PLPP3: variants seen among roughly 807,000 people sequenced by gnomAD.
PLPP3 encodes phospholipid phosphatase 3.
PLPP3 carries 6 observed loss-of-function variants against 29.6 expected under a neutral mutation model. That is an observed-to-expected ratio of 0.20 (90% CI 0.11 to 0.40). The LOEUF is 0.40. Ranked by LOEUF, PLPP3 falls within the 10% of genes least tolerant of loss-of-function variation. PLPP3 has a pLI of 1.00. For missense variants in PLPP3, 308 were observed against 407.7 expected, an observed-to-expected ratio of 0.76 and a Z score of 2.11; for synonymous variants, 152 against 159.7, an observed-to-expected ratio of 0.95 and a Z score of 0.36.
Position 56,524,347 on chromosome 1 carries a change from T to C in PLPP3, c.505A>G (p.Ile169Val). The change falls in exon 3 of 6, where the codon ATC (isoleucine) becomes GTC (valine). Residue 169 changes from isoleucine to valine, a missense_variant. By Grantham distance (29) the Ile-to-Val change is conservative (BLOSUM62 3). This residue lies in a region of PLPP3 where 232 missense variants were observed against 317.2 expected (regional missense o/e 0.73). Coordinates refer to ENST00000371250, the MANE Select transcript of PLPP3 (RefSeq NM_003713.5). This position sits in a 1 kb window ranked among gnomAD's most constrained non-coding sequence, Gnocchi z 4.3. ...TGAATGTAGCCTTCAGAGCAGTTGA[T>C]CTGGCTGAAATCAGGGTTGCAGACA... is the stretch of plus-strand genomic sequence containing the variant. The part of the protein sequence containing the change: ...LSVCNPDFSQ[I>V]NCSEGYIQNY... The C allele has an allele frequency of 6.2e-7, 1 of 1,614,054 alleles. No individual in the cohort carries two copies. The highest frequency in any genetic ancestry group is 8.5e-7 in the Non-Finnish European group (1 of 1,179,954).
chr1:56,553,572 G>C (rs1453680933), intron 1 of PLPP3, among the ~76,000 whole-genome samples: 1 of 152,098 alleles, frequency 6.6e-6, no homozygotes, highest in African/African-American at 2.4e-5. Flanking sequence ...GAGCATCTGG[G>C]GCTGGTTGCT....
chr1:56,530,949 C>A (rs1645883737), intron 2 of PLPP3, among the ~76,000 whole-genome samples: 1 of 152,178 alleles, frequency 6.6e-6, no homozygotes, highest in Non-Finnish European at 1.5e-5. Context: ...CCTACTTATG[C>A]CTTAAAGTAG....
chr1:56,512,437 C>T, intron 4 of PLPP3: 1 of 275,908 alleles, frequency 3.6e-6, no homozygotes, highest in Non-Finnish European at 6.8e-6. Context: ...CATAGTGAAA[C>T]CTCATCTGTA....
Position 56,560,641 on chromosome 1 carries a change from C to T in PLPP3, c.139+18237G>A, listed in dbSNP as rs568706119. On this transcript the variant is annotated intron_variant, in intron 1 of 5. Transcript: ENST00000371250. Reference sequence around the variant, plus strand: ...TTCACGAGCACTCTGCCCTCATGACCTAATTACCTCTTAAAGCCCCCCCAC... The same window carrying T: ...TTCACGAGCACTCTGCCCTCATGACTTAATTACCTCTTAAAGCCCCCCCAC... Among the ~76,000 whole-genome samples, 14 of 152,212 alleles carry T rather than the reference C, an allele frequency of 9.2e-5. No homozygotes were observed. In the South Asian group the frequency reaches 2.9e-3, roughly 32 times the overall value.
intron 1 of PLPP3, among the ~76,000 whole-genome samples, chr1:56,556,952 GAGAAAGAAAGAAAGAAAGAAAGAAAGAA>G (rs1176222349): frequency 1.8e-5 from 1 of 55,422 alleles, no homozygotes; most frequent in East Asian, 4.4e-4. Flanking sequence ...GAGAGACAGA[GAGAAAGAAAGAAAGAAAGAAAGAAAGAA>G]AGAAAGAAAG....
intron 2 of PLPP3, among the ~76,000 whole-genome samples, chr1:56,530,110 CTTT>C (rs77142253): frequency 3.5e-5 from 5 of 142,440 alleles, no homozygotes; most frequent in African/African-American, 2.6e-5. Flanking sequence ...ACCTCTTACT[CTTT>C]TTTTTTTTTT....
chr1:56,534,897 G>A (rs548302803), intron 2 of PLPP3, among the ~76,000 whole-genome samples: 19 of 152,206 alleles, frequency 1.2e-4, no homozygotes, highest in African/African-American at 4.1e-4. Flanking sequence ...TTGCAAAGAG[G>A]AGTGAGAATC....
At position 56,524,050 on chromosome 1, in the gene PLPP3, T is replaced by C. The variant is rs74594184; in HGVS notation, c.576-170A>G. On this transcript the variant is annotated intron_variant, in intron 3 of 5. Transcript: ENST00000371250. This position sits in a 1 kb window ranked among gnomAD's most constrained non-coding sequence, Gnocchi z 4.3. ...CCATGCCTGGAACATAGCAGGCACC[T>C]ATGAATTCATGAATAAACAAAAGAA... 0.2 allele frequency among the ~76,000 whole-genome samples: 29,709 copies of C among 152,208 alleles called. 2,979 individuals carry two copies. Among genetic ancestry groups the C allele is most frequent in the Admixed American group, 0.26 (3,945 of 15,274 alleles).
chr1:56,578,947 T>C lies in PLPP3; in HGVS notation c.70A>G (p.Asn24Asp), dbSNP rs1282644784. The C allele has an allele frequency of 9.3e-6, 15 of 1,605,644 alleles. No individual in the cohort carries two copies. Among genetic ancestry groups the C allele is most frequent in the Non-Finnish European group, 1.2e-5 (14 of 1,176,926 alleles). The part of the protein sequence containing the change: ...SKNGGSPALN[N>D]NPRRSGSKRV... ...TTGCTGCCGCTCCTCCTCGGGTTGT[T>C]GTTGAGCGCCGGGCTGCCGCCGTTC... The change falls in exon 1 of 6, where the codon AAC (asparagine) becomes GAC (aspartate). Residue 24 changes from asparagine to aspartate, a missense_variant. Asn to Asp is a conservative substitution (Grantham distance 23). Transcript: ENST00000371250.
intron 1 of PLPP3, among the ~76,000 whole-genome samples, chr1:56,550,195 A>T (rs1646028848): frequency 6.6e-6 from 1 of 152,150 alleles, no homozygotes; most frequent in Non-Finnish European, 1.5e-5. Flanking sequence ...GACCATCCTC[A>T]GTTGCTCCTG....
At chr1:56,506,950 C>T (rs1302061897) in intron 5 of PLPP3, among the ~76,000 whole-genome samples, 2 of 152,178 alleles carry the variant, frequency 1.3e-5, no homozygotes, top group Admixed American at 6.5e-5. Context: ...TGCAGGCAGG[C>T]CTATCCGACC....
intron 1 of PLPP3, among the ~76,000 whole-genome samples, chr1:56,548,065 C>T (rs1024005175): frequency 2.6e-5 from 4 of 152,200 alleles, no homozygotes; most frequent in African/African-American, 9.7e-5. Flanking sequence ...GACTGGTTTC[C>T]TCACTAAGGT....
At chr1:56,518,428 A>C (rs1175696747) in intron 4 of PLPP3, among the ~76,000 whole-genome samples, 5 of 152,018 alleles carry the variant, frequency 3.3e-5, no homozygotes, top group Non-Finnish European at 5.9e-5. Context: ...GTAAAGGGTC[A>C]ATAGGGAGAG....
At chr1:56,533,750 G>A (rs948592263) in intron 2 of PLPP3, among the ~76,000 whole-genome samples, 4 of 151,996 alleles carry the variant, frequency 2.6e-5, no homozygotes, top group Non-Finnish European at 4.4e-5. Flanking sequence ...TTGGTGAACC[G>A]TTGTGACCAA....
At chr1:56,573,565 A>C (rs1646215006) in intron 1 of PLPP3, among the ~76,000 whole-genome samples, 1 of 152,224 alleles carries the variant, frequency 6.6e-6, no homozygotes, top group East Asian at 1.9e-4. Context: ...AAAACACAGA[A>C]TCCCAGGTCC....
chr1:56,549,050 T>C (rs1404928987), intron 1 of PLPP3, among the ~76,000 whole-genome samples: 1 of 152,168 alleles, frequency 6.6e-6, no homozygotes, highest in African/African-American at 2.4e-5. Flanking sequence ...CCTAAAACAA[T>C]AGATGCTGAA....
At chr1:56,560,899 C>G (rs1309699214) in intron 1 of PLPP3, among the ~76,000 whole-genome samples, 3 of 143,212 alleles carry the variant, frequency 2.1e-5, no homozygotes, top group Non-Finnish European at 4.5e-5. Context: ...GTGCAGTGGC[C>G]TGATCTCGGC....
intron 1 of PLPP3, among the ~76,000 whole-genome samples, chr1:56,566,212 G>A (rs1474614718): frequency 6.6e-6 from 1 of 152,202 alleles, no homozygotes; most frequent in African/African-American, 2.4e-5. Context: ...CATTTTGGAC[G>A]ACGCTTCAGG....
intron 4 of PLPP3, 26 bp from the exon 5 acceptor site, chr1:56,512,178 A>G: frequency 1.3e-6 from 2 of 1,549,634 alleles, no homozygotes; most frequent in Non-Finnish European, 1.7e-6. Context: ...AAAAAGGAAC[A>G]GACATTAAGT....
Sources: gnomAD v4.1 joint callset for allele counts (sites outside exome capture counted in the v4.1 genomes callset) on GRCh38, gnomAD v4.1.1 for gene constraint, gnomAD v4.1.1 regional missense constraint, Gnocchi (gnomAD v3.1) non-coding constraint, MANE v1.5 for transcripts, NCBI Gene and HGNC (gene_info 2026-07-23, HGNC 2026-07-21) for gene names.